Variants in FRMD4A observed in about 807,000 individuals in gnomAD.
The protein encoded by FRMD4A is FERM domain-containing protein 4A.
A neutral mutation model predicts 129.1 loss-of-function variants in FRMD4A; 29 were observed. That is an observed-to-expected ratio of 0.22 (90% CI 0.17 to 0.31). The LOEUF is 0.31. Among genes scored for constraint, FRMD4A ranks in the 10% least tolerant of loss-of-function variants. The pLI, the probability that FRMD4A is intolerant of heterozygous loss-of-function variation, is 1.00. For missense variants in FRMD4A, 1,272 were observed against 1,375.8 expected, an observed-to-expected ratio of 0.92 and a Z score of 1.19; for synonymous variants, 634 against 571.6, an observed-to-expected ratio of 1.11 and a Z score of -1.56.
intron 2 of FRMD4A, among the ~76,000 whole-genome samples, chr10:13,901,372 G>A (rs766915813): frequency 6.6e-6 from 1 of 152,210 alleles, no homozygotes; most frequent in Non-Finnish European, 1.5e-5. Context: ...GGAGGCCAGG[G>A]CAGGTGGATC....
chr10:14,037,422 T>C (rs527697984), intron 2 of FRMD4A, among the ~76,000 whole-genome samples: 13 of 152,222 alleles, frequency 8.5e-5, no homozygotes, highest in Non-Finnish European at 1.8e-4. Flanking sequence ...TTTGCCATGT[T>C]GGCCAGGCTG....
At chr10:14,056,982 G>C (rs1489150197) in intron 2 of FRMD4A, among the ~76,000 whole-genome samples, 1 of 152,202 alleles carries the variant, frequency 6.6e-6, no homozygotes, top group East Asian at 1.9e-4. Flanking sequence ...AGGTCTGGCA[G>C]GCTATGTTTT....
In FRMD4A at chr10:14,089,635, A is replaced by AAC. The variant is rs1554754928; in HGVS notation, c.46-230724_46-230723insGT. The stretch of plus-strand genomic sequence containing the variant: ...TTTTCAAGCAAAAAAAAAAACAAAA[A>AAC]AAAACAAACAAAAAAAAAACAGAAG... On this transcript the variant is annotated intron_variant, in intron 2 of 24. Coordinates refer to ENST00000357447, the MANE Select transcript of FRMD4A (RefSeq NM_018027.5). Among the ~76,000 whole-genome samples, 91 of 142,346 alleles carry AAC rather than the reference A, an allele frequency of 6.4e-4. 2 individuals are homozygous for AAC. The East Asian group carries it at 0.015, about 23-fold the overall frequency. The allele number at this position is 142,346 out of a possible 152,430, so 93.4% of individuals were successfully genotyped here.
chr10:14,004,349 C>G (rs967320814), intron 2 of FRMD4A, among the ~76,000 whole-genome samples: 2 of 152,170 alleles, frequency 1.3e-5, no homozygotes, highest in Non-Finnish European at 2.9e-5. Context: ...TCGAGACCAG[C>G]CTGGCCAACA....
chr10:13,753,541 ATTT>A (rs35813128), intron 8 of FRMD4A, among the ~76,000 whole-genome samples: 12 of 115,292 alleles, frequency 1.0e-4, no homozygotes, highest in South Asian at 2.8e-4. Flanking sequence ...GTACCTTTCT[ATTT>A]TTTTTTTTTT....
chr10:13,908,187 A>AAAAT (rs2094903334), intron 2 of FRMD4A, among the ~76,000 whole-genome samples: 1 of 151,310 alleles, frequency 6.6e-6, no homozygotes, highest in Non-Finnish European at 1.5e-5. Flanking sequence ...AAAAAAAAAA[A>AAAAT]AAAGGACAGA....
intron 2 of FRMD4A, among the ~76,000 whole-genome samples, chr10:13,865,820 T>TA (rs1053370575): frequency 3.9e-5 from 6 of 152,066 alleles, no homozygotes; most frequent in Admixed American, 3.3e-4. Context: ...AAACAAAAAG[T>TA]AAAAAAATAG....
chr10:13,693,581 A>T, intron 15 of FRMD4A: 1 of 1,080,258 alleles, frequency 9.3e-7, no homozygotes, highest in Non-Finnish European at 1.2e-6. Flanking sequence ...TGGACCTGAC[A>T]TTCCCGACAG....
intron 2 of FRMD4A, among the ~76,000 whole-genome samples, chr10:14,006,497 TACATGATTTATTAA>T (rs1239787621): frequency 6.6e-6 from 1 of 152,210 alleles, no homozygotes; most frequent in Non-Finnish European, 1.5e-5. Context: ...TATGCAAACA[TACATGATTTATTAA>T]ACACTTTATC....
intron 12 of FRMD4A, among the ~76,000 whole-genome samples, chr10:13,728,573 C>CTTTTTATTTTTTTTTTTTTTTTTTT (rs2090079318): frequency 1.3e-5 from 1 of 78,372 alleles, no homozygotes; most frequent in Non-Finnish European, 2.4e-5. Flanking sequence ...GATTACCATT[C>CTTTTTATTTTTTTTTTTTTTTTTTT]TTTTTTTTTT....
intron 6 of FRMD4A, among the ~76,000 whole-genome samples, chr10:13,777,708 C>G (rs1414736942): frequency 6.6e-6 from 1 of 151,984 alleles, no homozygotes; most frequent in Non-Finnish European, 1.5e-5. Context: ...CCTTCAGTGC[C>G]AGCTCAGCAT....
At chr10:14,175,919 G>A (rs1436951979) in intron 2 of FRMD4A, among the ~76,000 whole-genome samples, 1 of 152,202 alleles carries the variant, frequency 6.6e-6, no homozygotes, top group Non-Finnish European at 1.5e-5. Flanking sequence ...TTTGACCAGA[G>A]TCTTAGCATC....
chr10:13,872,242 G>A (rs11596202), intron 2 of FRMD4A, among the ~76,000 whole-genome samples: 1 of 152,252 alleles, frequency 6.6e-6, no homozygotes, highest in Non-Finnish European at 1.5e-5. Context: ...CTGGATGGGT[G>A]AGGAGGCTAA....
intron 3 of FRMD4A, among the ~76,000 whole-genome samples, chr10:13,828,282 T>C (rs1396429650): frequency 6.6e-6 from 1 of 152,234 alleles, no homozygotes; most frequent in East Asian, 1.9e-4. Flanking sequence ...GCATCCGTTG[T>C]ACCCATTAGG....
chr10:13,737,175 C>T (rs537269976), intron 12 of FRMD4A, among the ~76,000 whole-genome samples: 9 of 152,288 alleles, frequency 5.9e-5, no homozygotes, highest in African/African-American at 1.4e-4. Flanking sequence ...CTGCAATCTC[C>T]GCCTCCCGGG....
intron 2 of FRMD4A, among the ~76,000 whole-genome samples, chr10:14,302,917 G>A (rs1292281938): frequency 6.6e-6 from 1 of 152,166 alleles, no homozygotes; most frequent in Non-Finnish European, 1.5e-5. Flanking sequence ...AGCAACATTA[G>A]ACAGCAGGAC....
chr10:13,784,003 A>G (rs2092796646), intron 5 of FRMD4A, among the ~76,000 whole-genome samples: 1 of 152,166 alleles, frequency 6.6e-6, no homozygotes, highest in South Asian at 2.1e-4. Flanking sequence ...AAGGACTAGG[A>G]GTTGAAAGGA....
At chr10:14,137,662 T>C (rs1839610255) in intron 2 of FRMD4A, among the ~76,000 whole-genome samples, 1 of 152,152 alleles carries the variant, frequency 6.6e-6, no homozygotes, top group African/African-American at 2.4e-5. Flanking sequence ...CCCACCCCAG[T>C]TTCCTTGAGT....
intron 2 of FRMD4A, among the ~76,000 whole-genome samples, chr10:14,103,582 A>C (rs1409399677): frequency 6.6e-6 from 1 of 152,184 alleles, no homozygotes; most frequent in Non-Finnish European, 1.5e-5. Context: ...TGTTTAAGCC[A>C]CTATCAGTAC....
Sources: allele counts gnomAD v4.1 joint callset (sites outside exome capture counted in the v4.1 genomes callset), GRCh38; gene constraint gnomAD v4.1.1; transcripts MANE v1.5; gene names NCBI Gene and HGNC (gene_info 2026-07-23, HGNC 2026-07-21).